BTRC: variants seen among roughly 807,000 people sequenced by gnomAD.
BTRC encodes beta-transducin repeat containing E3 ubiquitin protein ligase.
In BTRC, 42 loss-of-function variants were observed where a neutral mutation model predicts 85.5. The observed-to-expected ratio is 0.49, with a 90% CI of 0.38 to 0.64. BTRC has a LOEUF of 0.64. BTRC is among the 30% of genes least tolerant of loss of function. BTRC has a pLI of 0.00. For missense variants in BTRC, 594 were observed against 743.5 expected (o/e 0.80, Z 2.34); for synonymous variants, 255 against 263.3 (o/e 0.97, Z 0.30).
chr10:101,394,914 A>T (rs1943325701), intron 1 of BTRC, among the ~76,000 whole-genome samples: 2 of 152,186 alleles, frequency 1.3e-5, no homozygotes, highest in Non-Finnish European at 2.9e-5. Flanking sequence ...GGTGTTCTGA[A>T]TGAGTCATAG....
intron 1 of BTRC, among the ~76,000 whole-genome samples, chr10:101,416,731 A>T (rs1233444810): frequency 6.6e-6 from 1 of 152,202 alleles, no homozygotes; most frequent in Non-Finnish European, 1.5e-5. Flanking sequence ...TAGGGGAAAA[A>T]TTATACCCAG....
intron 4 of BTRC, among the ~76,000 whole-genome samples, chr10:101,515,646 G>C (rs191430449): frequency 6.6e-6 from 1 of 152,024 alleles, no homozygotes; most frequent in East Asian, 1.9e-4. Context: ...AGAGTAGCTA[G>C]GGCTACAGGC....
rs1942441581 is a variant in BTRC, at chr10:101,366,939, T to TTTATATATTA, written c.48+12711_48+12712insTTATATATTA. On this transcript the variant is annotated intron_variant, in intron 1 of 14. Coordinates refer to ENST00000370187, the MANE Select transcript of BTRC (RefSeq NM_033637.4). ...ATATTTATATATATTTATATATATT[T>TTTATATATTA]ATATATATTTATATATATATTTATA... Among the ~76,000 whole-genome samples, 3 of 7,856 alleles carry TTTATATATTA rather than the reference T, an allele frequency of 3.8e-4. 1 individual carries two copies. Among genetic ancestry groups the TTTATATATTA allele is most frequent in the African/African-American group, 2.7e-3 (3 of 1,106 alleles). 5.2% of individuals were successfully genotyped at this position (7,856 alleles called of 152,430 possible). A position where few individuals can be genotyped will look rare whatever the true frequency, so the allele number is the denominator to read the frequency against.
intron 4 of BTRC, among the ~76,000 whole-genome samples, chr10:101,490,475 T>C (rs1946101920): frequency 6.6e-6 from 1 of 152,186 alleles, no homozygotes; most frequent in Non-Finnish European, 1.5e-5. Flanking sequence ...GTTAAACCTT[T>C]TCCAAATTTT....
chr10:101,508,635 C>G (rs184288511), intron 4 of BTRC, among the ~76,000 whole-genome samples: 7 of 152,278 alleles, frequency 4.6e-5, no homozygotes, highest in Admixed American at 4.6e-4. Context: ...TAAAAGTAGG[C>G]TGGGCGTGGT....
intron 10 of BTRC, among the ~76,000 whole-genome samples, 184 bp downstream of exon 10, chr10:101,535,094 T>G (rs1338614338): frequency 3.3e-5 from 5 of 152,212 alleles, no homozygotes; most frequent in African/African-American, 1.2e-4. Flanking sequence ...CCTAGATATT[T>G]TATTCCTATA....
chr10:101,493,550 G>A (rs985030027), intron 4 of BTRC, among the ~76,000 whole-genome samples: 1 of 152,160 alleles, frequency 6.6e-6, no homozygotes, highest in African/African-American at 2.4e-5. Context: ...GTAGCAAATG[G>A]GGGGATTATC....
At chr10:101,394,499 A>G (rs1330317804) in intron 1 of BTRC, among the ~76,000 whole-genome samples, 2 of 152,190 alleles carry the variant, frequency 1.3e-5, no homozygotes, top group Admixed American at 6.5e-5. Context: ...TTAAAGACTC[A>G]GTTGTCTAGT....
intron 13 of BTRC, among the ~76,000 whole-genome samples, chr10:101,550,114 C>T (rs916273463): frequency 1.3e-5 from 2 of 152,110 alleles, no homozygotes; most frequent in East Asian, 3.9e-4. Flanking sequence ...GTAAGGAATG[C>T]TCTCATCCAC....
intron 1 of BTRC, among the ~76,000 whole-genome samples, chr10:101,413,643 A>C (rs1273217292): frequency 6.6e-6 from 1 of 152,186 alleles, no homozygotes; most frequent in Non-Finnish European, 1.5e-5. Flanking sequence ...GCAAAAGATG[A>C]AGATGTCCCA....
chr10:101,535,318 A>G (rs752999683), intron 10 of BTRC, 36 bp from the exon 11 acceptor site: 5 of 1,515,266 alleles, frequency 3.3e-6, no homozygotes, highest in Non-Finnish European at 3.7e-6. Flanking sequence ...CAATAAAAGC[A>G]CCAAATCAAC....
intron 1 of BTRC, among the ~76,000 whole-genome samples, chr10:101,409,595 G>C (rs1391737489): frequency 6.6e-6 from 1 of 152,114 alleles, no homozygotes; most frequent in Non-Finnish European, 1.5e-5. Context: ...TTGCTCCCAG[G>C]CTACCTGGAC....
intron 1 of BTRC, among the ~76,000 whole-genome samples, chr10:101,423,785 T>G (rs780615960): frequency 2.6e-5 from 4 of 152,344 alleles, no homozygotes; most frequent in African/African-American, 7.2e-5. Context: ...ACTTTACTTA[T>G]CCTCTTTTTG....
At chr10:101,525,906 G>A in intron 5 of BTRC, 107 bp from the exon 6 acceptor site, 1 of 1,080,230 alleles carries the variant, frequency 9.3e-7, no homozygotes, top group Non-Finnish European at 1.3e-6. Context: ...GGACAATGAT[G>A]TGCCTTCATA....
intron 4 of BTRC, among the ~76,000 whole-genome samples, chr10:101,508,959 T>G (rs1422925113): frequency 6.8e-6 from 1 of 147,376 alleles, no homozygotes; most frequent in Non-Finnish European, 1.5e-5. Flanking sequence ...TGTTAAAAGT[T>G]ATTATCCCAC....
At chr10:101,431,328 C>T (rs538191446) in intron 2 of BTRC, among the ~76,000 whole-genome samples, 109 of 151,936 alleles carry the variant, frequency 7.2e-4, no homozygotes, top group Non-Finnish European at 5.4e-4. Context: ...CCACCCATCT[C>T]GGCTTCCCAA....
intron 13 of BTRC, among the ~76,000 whole-genome samples, chr10:101,539,237 T>G (rs1002549148): frequency 6.6e-6 from 1 of 152,182 alleles, no homozygotes; most frequent in Admixed American, 6.5e-5. Context: ...TTATTTATCA[T>G]GTTGTTAGCC....
chr10:101,393,023 C>T (rs1943276852), intron 1 of BTRC, among the ~76,000 whole-genome samples: 1 of 152,120 alleles, frequency 6.6e-6, no homozygotes, highest in Admixed American at 6.5e-5. Flanking sequence ...GGACTCTAAT[C>T]TCCCACCACC....
chr10:101,406,062 G>A (rs1182873946), intron 1 of BTRC, among the ~76,000 whole-genome samples: 4 of 151,820 alleles, frequency 2.6e-5, no homozygotes. Flanking sequence ...TTTCCCTTTA[G>A]TTCTGAGTTT....
Sources: allele counts gnomAD v4.1 joint callset (sites outside exome capture counted in the v4.1 genomes callset), GRCh38; gene constraint gnomAD v4.1.1; transcripts MANE v1.5; gene names NCBI Gene and HGNC (gene_info 2026-07-23, HGNC 2026-07-21).